Variants in VAV3 observed in about 807,000 individuals in gnomAD.
VAV3 encodes the protein vav guanine nucleotide exchange factor 3.
A neutral mutation model predicts 131.2 loss-of-function variants in VAV3; 94 were observed. That is an observed-to-expected ratio of 0.72 (90% CI 0.61 to 0.85). VAV3 has a LOEUF of 0.85. VAV3 is among the 40% of genes least tolerant of loss of function. The pLI, the probability that VAV3 is intolerant of heterozygous loss-of-function variation, is 0.00. For synonymous variants in VAV3, 349 were observed against 342.0 expected, an observed-to-expected ratio of 1.02 and a Z score of -0.22; for missense variants, 939 against 1,002.7, an observed-to-expected ratio of 0.94 and a Z score of 0.86.
intron 24 of VAV3, 100 bp from the exon 25 acceptor site, chr1:107,596,441 A>G: frequency 1.5e-6 from 2 of 1,338,032 alleles, no homozygotes; most frequent in South Asian, 1.4e-5. Context: ...GACCAATTTA[A>G]TGCTAAATTT....
intron 19 of VAV3, chr1:107,669,102 G>C (rs1024249609): frequency 2.8e-6 from 3 of 1,087,048 alleles, no homozygotes; most frequent in Admixed American, 4.9e-5. Flanking sequence ...GAGTTATGCC[G>C]GTGTTCTTTA....
At chr1:107,692,659 G>A (rs1659498099) in intron 17 of VAV3, among the ~76,000 whole-genome samples, 1 of 152,140 alleles carries the variant, frequency 6.6e-6, no homozygotes, top group Non-Finnish European at 1.5e-5. Flanking sequence ...GCAGGTTCTA[G>A]GTAGCAGTCT....
In VAV3 at chr1:107,764,107, A is replaced by AAAAAACAAAAAACAAAAC. The variant is rs369388946; in HGVS notation, c.921+968_921+969insGTTTTGTTTTTTGTTTTT. Among the ~76,000 whole-genome samples, 1,071 of 145,770 alleles carry AAAAAACAAAAAACAAAAC rather than the reference A, an allele frequency of 7.3e-3. 9 individuals carry two copies. The highest frequency in any genetic ancestry group is 0.011 in the African/African-American group (441 of 39,578). ...AAAAACAAAAAACAAAAAACAAAAC[A>AAAAAACAAAAAACAAAAC]AAAAAAAAAACATGATGTACAAAAA... On this transcript the variant is annotated intron_variant, in intron 9 of 26. Transcript: ENST00000370056.
chr1:107,942,448 T>G (rs1173613052), intron 1 of VAV3, among the ~76,000 whole-genome samples: 1 of 152,224 alleles, frequency 6.6e-6, no homozygotes, highest in African/African-American at 2.4e-5. Flanking sequence ...TTGGCAACAT[T>G]TTCTGAACCT....
chr1:107,712,749 C>T (rs147398417), intron 15 of VAV3, among the ~76,000 whole-genome samples: 36 of 152,258 alleles, frequency 2.4e-4, no homozygotes, highest in African/African-American at 8.4e-4. Context: ...AGTAAAGTCC[C>T]TGACTAATGT....
chr1:107,714,161 T>C (rs6703788), intron 15 of VAV3, among the ~76,000 whole-genome samples: 1 of 151,916 alleles, frequency 6.6e-6, no homozygotes, highest in Non-Finnish European at 1.5e-5. Context: ...AATTGACCTT[T>C]TGAGACCAAT....
Position 107,817,737 on chromosome 1 carries a change from G to A in VAV3, c.322-38245C>T, listed in dbSNP as rs1038606832. On this transcript the variant is annotated intron_variant, in intron 2 of 26. Transcript: ENST00000370056. ...GGCTGGCAGAGCATGAGAGGATGCTGACAACCAGACAGGACCACATCAGTC... is the reference window on the plus strand; with the variant it reads ...GGCTGGCAGAGCATGAGAGGATGCTAACAACCAGACAGGACCACATCAGTC... Among the ~76,000 whole-genome samples the A allele has an allele frequency of 1.2e-4, 19 of 152,184 alleles. No individual in the cohort carries two copies. The South Asian group carries it at 3.5e-3, about 28-fold the overall frequency.
At chr1:107,747,730 A>G (rs961934512) in intron 15 of VAV3, among the ~76,000 whole-genome samples, 2 of 152,208 alleles carry the variant, frequency 1.3e-5, no homozygotes, top group African/African-American at 4.8e-5. Context: ...GAGAGGTTAA[A>G]TAACTTAGCT....
chr1:107,783,845 G>A (rs530764171), intron 2 of VAV3, among the ~76,000 whole-genome samples: 10 of 149,630 alleles, frequency 6.7e-5, no homozygotes, highest in South Asian at 2.1e-4. Flanking sequence ...TCAGGAGATC[G>A]AGACCATCCT....
At chr1:107,718,276 C>T (rs559573813) in intron 15 of VAV3, among the ~76,000 whole-genome samples, 66 of 152,190 alleles carry the variant, frequency 4.3e-4, no homozygotes, top group Middle Eastern at 3.4e-3. Flanking sequence ...TGTCCCTGTT[C>T]ACAGATGACA....
chr1:107,955,499 G>A (rs1674762821), intron 1 of VAV3, among the ~76,000 whole-genome samples: 1 of 152,010 alleles, frequency 6.6e-6, no homozygotes, highest in Non-Finnish European at 1.5e-5. Context: ...AAGCCTGGAA[G>A]GGAGACGGAT....
At position 107,596,245 on chromosome 1, in the gene VAV3, C is replaced by A. The variant is rs748095487; in HGVS notation, c.2317G>T (p.Ala773Ser). The change falls in exon 25 of 27, where the codon GCT becomes TCT. Residue 773 changes from alanine to serine, a missense_variant. By Grantham distance (99) the Ala-to-Ser change is moderately conservative. Transcript: ENST00000370056. ...QFPYKEPEHS[A>S]GQRGNRAGNS... ...CCTGCTCTATTACCCCTCTGTCCAG[C>A]TGAATGTTCTGGCTCCTTGTATGGA... 4 of 1,613,486 alleles carry A rather than the reference C, an allele frequency of 2.5e-6. No homozygotes were observed. The African/African-American group carries it at 5.3e-5, about 22-fold the overall frequency.
chr1:107,924,471 C>T (rs1376090043), intron 1 of VAV3, among the ~76,000 whole-genome samples: 1 of 150,978 alleles, frequency 6.6e-6, no homozygotes, highest in East Asian at 1.9e-4. Context: ...GCTTTAATGA[C>T]ATAGAAGTGG....
chr1:107,579,558 C>T (rs12129887), intron 25 of VAV3, among the ~76,000 whole-genome samples: 1,698 of 152,306 alleles, frequency 0.011, 14 homozygotes, highest in Non-Finnish European at 0.018. Context: ...GTTAATCGTT[C>T]AGTAATTCTC....
chr1:107,679,074 A>C (rs1459821750), intron 19 of VAV3, among the ~76,000 whole-genome samples: 1 of 152,190 alleles, frequency 6.6e-6, no homozygotes, highest in African/African-American at 2.4e-5. Context: ...ATGTCAGATA[A>C]GAAATGAAAT....
intron 20 of VAV3, among the ~76,000 whole-genome samples, chr1:107,625,092 G>A (rs1653913104): frequency 6.6e-6 from 1 of 151,882 alleles, no homozygotes; most frequent in Non-Finnish European, 1.5e-5. Flanking sequence ...CACAGAGCAC[G>A]ACCTAAGGAT....
At chr1:107,601,512 A>ACC (rs1178431777) in intron 24 of VAV3, among the ~76,000 whole-genome samples, 1 of 152,176 alleles carries the variant, frequency 6.6e-6, no homozygotes, top group Admixed American at 6.5e-5. Flanking sequence ...TGCAGTATGT[A>ACC]TCATTTGATT....
intron 2 of VAV3, among the ~76,000 whole-genome samples, chr1:107,835,248 C>T (rs900590635): frequency 6.6e-6 from 1 of 152,184 alleles, no homozygotes; most frequent in African/African-American, 2.4e-5. Context: ...AGCCTCAGTG[C>T]CTTGCCATGG....
In VAV3 at chr1:107,572,469, C is replaced by T. The variant is rs987359773; in HGVS notation, c.*862G>A. 1 of 152,630 alleles carries T rather than the reference C, an allele frequency of 6.6e-6. No homozygotes were observed. Among genetic ancestry groups the T allele is most frequent in the Non-Finnish European group, 1.5e-5 (1 of 68,020 alleles). The allele number at this position is 152,630 out of a possible 1,614,324, so 9.5% of individuals were successfully genotyped here. A position where few individuals can be genotyped will look rare whatever the true frequency, so the allele number is the denominator to read the frequency against. On this transcript the variant is annotated 3_prime_UTR_variant, in exon 27 of 27. Transcript: ENST00000370056. ...CTATAAAATGACATAAATTATAGCC[C>T]TTGATCTGTTTCTGTAAACAATGCC...
Sources: allele counts gnomAD v4.1 joint callset (sites outside exome capture counted in the v4.1 genomes callset), GRCh38; gene constraint gnomAD v4.1.1; transcripts MANE v1.5; gene names NCBI Gene and HGNC (gene_info 2026-07-23, HGNC 2026-07-21).